Variants in CEP170 observed in about 807,000 individuals in gnomAD.
The protein encoded by CEP170 is centrosomal protein 170.
In CEP170, 21 loss-of-function variants were observed where a neutral mutation model predicts 151.9. That is an observed-to-expected ratio of 0.14 (90% confidence interval 0.10 to 0.20). The LOEUF (loss-of-function observed/expected upper bound fraction) is 0.20, where lower values mean the gene tolerates loss of function less well. Among genes scored for constraint, CEP170 ranks in the 10% least tolerant of loss-of-function variants. The pLI is 1.00. For missense variants in CEP170, 964 were observed against 1,892.9 expected (o/e 0.51, Z 9.11); for synonymous variants, 356 against 648.8 (o/e 0.55, Z 6.86).
At chr1:243,211,452 T>TA (rs1306433446) in intron 4 of CEP170, 1 of 158,702 alleles carries the variant, frequency 6.3e-6, no homozygotes, top group East Asian at 1.9e-4. Flanking sequence ...ATAAAACAGT[T>TA]AACGGGAGGG....
intron 3 of CEP170, among the ~76,000 whole-genome samples, chr1:243,213,286 G>C (rs914136628): frequency 4.6e-5 from 7 of 151,818 alleles, no homozygotes; most frequent in Non-Finnish European, 1.0e-4. Flanking sequence ...TTACTGCAGT[G>C]GCCAAAATAT....
In CEP170 at chr1:243,164,588, A is replaced by C; in HGVS notation, c.3372T>G (p.Val1124=). 1 of 1,613,724 alleles carries C rather than the reference A, an allele frequency of 6.2e-7. No individual in the cohort carries two copies. Among genetic ancestry groups the C allele is most frequent in the South Asian group, 1.1e-5 (1 of 91,062 alleles). ...AACTTGTTGTGGATACTTCAGAAGC[A>C]ACAGATGCTTTGTCAGCATCAGCAA... ...SELADADKAS[V]ASEVSTTSST... is the part of the protein sequence containing the mutation. The change falls in exon 13 of 20, where the codon GTT becomes GTG. Residue 1124 remains valine (V), a synonymous_variant. Coordinates refer to ENST00000366542, the MANE Select transcript of CEP170 (RefSeq NM_014812.3).
At chr1:243,138,239 T>C (rs183643365) in intron 16 of CEP170, among the ~76,000 whole-genome samples, 52 of 152,296 alleles carry the variant, frequency 3.4e-4, no homozygotes, top group African/African-American at 1.2e-3. Context: ...GAGAAATTTG[T>C]CTTCCTAGAC....
chr1:243,242,775 A>G (rs897190481), intron 1 of CEP170, among the ~76,000 whole-genome samples: 1 of 151,342 alleles, frequency 6.6e-6, no homozygotes, highest in African/African-American at 2.4e-5. Context: ...ATCTCGGCTC[A>G]CTGCAACCTC....
At chr1:243,233,927 C>T (rs891471113) in intron 1 of CEP170, among the ~76,000 whole-genome samples, 10 of 151,734 alleles carry the variant, frequency 6.6e-5, no homozygotes, top group African/African-American at 2.2e-4. Context: ...CAAAATAGTG[C>T]ACCATATCAC....
At chr1:243,151,331 C>T (rs1223378318) in intron 14 of CEP170, among the ~76,000 whole-genome samples, 1 of 150,536 alleles carries the variant, frequency 6.6e-6, no homozygotes, top group Admixed American at 6.6e-5. Flanking sequence ...ACTATTCTGG[C>T]AATCATCAAA....
At chr1:243,210,845 G>A (rs868415780) in intron 4 of CEP170, among the ~76,000 whole-genome samples, 6 of 151,524 alleles carry the variant, frequency 4.0e-5, no homozygotes, top group Non-Finnish European at 8.8e-5. Context: ...GGCTGGTCTC[G>A]AACTCCTGAC....
intron 7 of CEP170, among the ~76,000 whole-genome samples, chr1:243,198,230 T>C (rs1036665113): frequency 7.2e-5 from 11 of 152,094 alleles, no homozygotes; most frequent in African/African-American, 2.4e-4. Context: ...TCTCATGTCT[T>C]TGCAAGGTCC....
intron 10 of CEP170, among the ~76,000 whole-genome samples, chr1:243,173,507 G>A (rs1224514422): frequency 6.6e-6 from 1 of 151,590 alleles, no homozygotes; most frequent in African/African-American, 2.4e-5. Context: ...AGGCCGAGGC[G>A]AGCAGATCAC....
intron 3 of CEP170, among the ~76,000 whole-genome samples, chr1:243,214,213 A>C (rs1042466682): frequency 6.6e-6 from 1 of 151,998 alleles, no homozygotes; most frequent in Non-Finnish European, 1.5e-5. Context: ...TCTAAAAATA[A>C]TAAGTGTTTT....
chr1:243,159,802 T>TGTGTGTGTG (rs58250126), intron 13 of CEP170, among the ~76,000 whole-genome samples: 11 of 150,896 alleles, frequency 7.3e-5, no homozygotes, highest in South Asian at 2.1e-4. Flanking sequence ...TGTGTGTGTG[T>TGTGTGTGTG]TTTTGAGATG....
intron 4 of CEP170, among the ~76,000 whole-genome samples, chr1:243,207,072 A>G (rs2061471204): frequency 6.6e-6 from 1 of 152,244 alleles, no homozygotes; most frequent in South Asian, 2.1e-4. Context: ...ATTTAAAACT[A>G]ACCACATCAA....
At chr1:243,155,231 A>T (rs1213312939) in intron 14 of CEP170, among the ~76,000 whole-genome samples, 1 of 152,246 alleles carries the variant, frequency 6.6e-6, no homozygotes, top group Non-Finnish European at 1.5e-5. Flanking sequence ...AAAAGCGATG[A>T]CAAGTGAATA....
chr1:243,254,018 T>C (rs923557), intron 1 of CEP170, among the ~76,000 whole-genome samples: 1 of 152,072 alleles, frequency 6.6e-6, no homozygotes, highest in Non-Finnish European at 1.5e-5. Context: ...ATAAATGCAT[T>C]ACCTGCCCAA....
chr1:243,248,889 C>T (rs1301385203), intron 1 of CEP170, among the ~76,000 whole-genome samples: 1 of 152,150 alleles, frequency 6.6e-6, no homozygotes, highest in Non-Finnish European at 1.5e-5. Context: ...CCACAGTGTT[C>T]TCCAAATTCA....
chr1:243,212,025 A>G (rs1488102644), intron 3 of CEP170, 61 bp from the exon 4 acceptor site: 1 of 1,321,010 alleles, frequency 7.6e-7, no homozygotes, highest in African/African-American at 1.5e-5. Context: ...TACATTTCAG[A>G]TAAGCAAATT....
intron 3 of CEP170, among the ~76,000 whole-genome samples, chr1:243,220,191 C>T (rs1230168148): frequency 6.6e-6 from 1 of 152,020 alleles, no homozygotes; most frequent in African/African-American, 2.4e-5. Context: ...ATGTGTAAAA[C>T]TTTTATAAAT....
intron 3 of CEP170, among the ~76,000 whole-genome samples, chr1:243,217,575 A>T (rs2062415879): frequency 6.6e-6 from 1 of 152,220 alleles, no homozygotes; most frequent in South Asian, 2.1e-4. Flanking sequence ...AAGTCTAAAA[A>T]GGCTTAGGAA....
intron 17 of CEP170, among the ~76,000 whole-genome samples, chr1:243,131,399 G>A (rs1224190763): frequency 1.3e-5 from 2 of 152,134 alleles, no homozygotes; most frequent in East Asian, 3.9e-4. Flanking sequence ...GGCTGAGGTG[G>A]GAGGATTGCT....
Sources: gnomAD v4.1 joint callset for allele counts (sites outside exome capture counted in the v4.1 genomes callset) on GRCh38, gnomAD v4.1.1 for gene constraint, MANE v1.5 for transcripts, NCBI Gene and HGNC (gene_info 2026-07-23, HGNC 2026-07-21) for gene names.